ANKRD36C: variants seen among roughly 807,000 people sequenced by gnomAD.
ANKRD36C encodes ankyrin repeat domain-containing protein 36C.
A neutral mutation model predicts 276.4 loss-of-function variants in ANKRD36C; 61 were observed. The observed-to-expected ratio is 0.22, with a 90% confidence interval of 0.18 to 0.27. The LOEUF (loss-of-function observed/expected upper bound fraction) is 0.27. Ranked by LOEUF, ANKRD36C falls within the 10% of genes least tolerant of loss-of-function variation. The pLI, the probability that ANKRD36C is intolerant of heterozygous loss-of-function variation, is 1.00. For synonymous variants in ANKRD36C, 483 were observed against 680.1 expected (o/e 0.71, Z 4.51); for missense variants, 1,447 against 2,032.3 (o/e 0.71, Z 5.54).
chr2:95,925,418 A>C (rs1677376525), exon 30 of ANKRD36C: 2 of 1,555,190 alleles, frequency 1.3e-6, no homozygotes, highest in Middle Eastern at 2.3e-4. Flanking sequence ...TTCTTTTTAA[A>C]TATAACCTGA....
chr2:95,956,151 A>G (rs1678321971), intron 13 of ANKRD36C, among the ~76,000 whole-genome samples: 2 of 152,188 alleles, frequency 1.3e-5, no homozygotes, highest in Admixed American at 1.3e-4. Context: ...TATGCTAAAT[A>G]TAGTTATCAT....
At chr2:95,936,484 C>T (rs1677720599) in intron 22 of ANKRD36C, among the ~76,000 whole-genome samples, 1 of 152,382 alleles carries the variant, frequency 6.6e-6, no homozygotes, top group Non-Finnish European at 1.5e-5. Context: ...GCTGTGTGAC[C>T]CCTACAGAGA....
chr2:95,968,278 T>G, intron 6 of ANKRD36C, among the ~76,000 whole-genome samples: 1 of 152,226 alleles, frequency 6.6e-6, no homozygotes, highest in Non-Finnish European at 1.5e-5. Flanking sequence ...AATTAAGAAC[T>G]CTTATTTCCT....
At chr2:95,991,397 C>T in intron 1 of ANKRD36C, 115 bp downstream of exon 1, 1 of 1,158,862 alleles carries the variant, frequency 8.6e-7, no homozygotes, top group Non-Finnish European at 1.2e-6. Context: ...ACCCCCTAGC[C>T]CCCGTCCATA....
At position 95,917,846 on chromosome 2, in the gene ANKRD36C, C is replaced by A. The variant is rs1677147806; in HGVS notation, c.2347+9G>T. ...TGAACGTGACATTAAATGTCTTTTGCAAAATTACCTGTCCCAGATTTTTCT... is the reference window on the plus strand; with the variant it reads ...TGAACGTGACATTAAATGTCTTTTGAAAAATTACCTGTCCCAGATTTTTCT... On this transcript the variant is annotated intron_variant, in intron 36 of 66. Coordinates refer to ENST00000456556, the Ensembl canonical transcript of ANKRD36C. 1.3e-6 allele frequency: 2 copies of A among 1,591,980 alleles called. No homozygotes were observed. The highest frequency in any genetic ancestry group is 1.1e-5 in the South Asian group (1 of 89,002).
chr2:95,933,952 G>T (rs920540814), intron 24 of ANKRD36C, among the ~76,000 whole-genome samples: 1 of 152,298 alleles, frequency 6.6e-6, no homozygotes, highest in African/African-American at 2.4e-5. Context: ...AGTGGGTGAA[G>T]GATATGCTCA....
chr2:95,975,395 A>G (rs1232233055), intron 6 of ANKRD36C, among the ~76,000 whole-genome samples: 2 of 152,218 alleles, frequency 1.3e-5, no homozygotes, highest in African/African-American at 2.4e-5. Flanking sequence ...AGGCTACAGT[A>G]ACCAAAACAG....
intron 14 of ANKRD36C, among the ~76,000 whole-genome samples, chr2:95,952,198 T>A (rs1294214492): frequency 1.3e-5 from 2 of 150,898 alleles, no homozygotes; most frequent in Non-Finnish European, 1.5e-5. Context: ...GACCAGTCAA[T>A]CAAATATGCG....
intron 14 of ANKRD36C, among the ~76,000 whole-genome samples, chr2:95,952,663 C>T (rs1326383239): frequency 6.0e-5 from 9 of 150,848 alleles, no homozygotes; most frequent in African/African-American, 2.2e-4. Flanking sequence ...GACATATTTT[C>T]TCAACATAAC....
chr2:95,912,561 A>T, intron 40 of ANKRD36C, 126 bp from the exon 43 acceptor site: 2 of 1,544,866 alleles, frequency 1.3e-6, no homozygotes, highest in African/African-American at 2.7e-5. Flanking sequence ...GATGGCTTCT[A>T]TTTTGTGTCT....
At chr2:95,930,085 G>C (rs1385945824) in intron 24 of ANKRD36C, among the ~76,000 whole-genome samples, 1 of 151,586 alleles carries the variant, frequency 6.6e-6, no homozygotes, top group Non-Finnish European at 1.5e-5. Context: ...TGGGATTCAA[G>C]TAATGAATTC....
chr2:95,990,340 CAT>C (rs959945655), intron 1 of ANKRD36C, among the ~76,000 whole-genome samples: 13 of 152,296 alleles, frequency 8.5e-5, no homozygotes, highest in African/African-American at 3.1e-4. Context: ...CAGTTTTCGC[CAT>C]TACTTGTAAT....
At chr2:95,888,918 C>A (rs1345545923) in intron 48 of ANKRD36C, among the ~76,000 whole-genome samples, 1 of 151,520 alleles carries the variant, frequency 6.6e-6, no homozygotes, top group Non-Finnish European at 1.5e-5. Context: ...TGGAAAGGAC[C>A]ACTTTAGGAG....
chr2:95,912,313 T>C (rs758486554), exon 42 of ANKRD36C: 4 of 1,583,962 alleles, frequency 2.5e-6, no homozygotes, highest in Non-Finnish European at 2.6e-6. Flanking sequence ...TCATCACTTG[T>C]AGCCTGAATG....
intron 28 of ANKRD36C, among the ~76,000 whole-genome samples, chr2:95,926,598 T>C (rs2104432644): frequency 6.6e-6 from 1 of 151,708 alleles, no homozygotes; most frequent in East Asian, 1.9e-4. Context: ...CTGTGGTTGA[T>C]CCCAGTTCTA....
chr2:95,890,581 T>C (rs1676319911), intron 46 of ANKRD36C, among the ~76,000 whole-genome samples: 1 of 151,574 alleles, frequency 6.6e-6, no homozygotes. Flanking sequence ...CCATGTGGTG[T>C]AATAATTTGC....
At position 95,936,452 on chromosome 2, in the gene ANKRD36C, A is replaced by G. The variant is rs1346415338; in HGVS notation, c.1634-808T>C. Among the ~76,000 whole-genome samples, 3 of 152,384 alleles carry G rather than the reference A, an allele frequency of 2.0e-5. No homozygotes were observed. The East Asian group carries it at 5.8e-4, about 29-fold the overall frequency. ...ATGCAGTGCATCACATTTTGCTAACATGAAGCACCTGTCCTATTGTTGCTG... is the reference window on the plus strand; with the variant it reads ...ATGCAGTGCATCACATTTTGCTAACGTGAAGCACCTGTCCTATTGTTGCTG... On this transcript the variant is annotated intron_variant, in intron 22 of 66. Coordinates refer to ENST00000456556, the Ensembl canonical transcript of ANKRD36C.
intron 30 of ANKRD36C, among the ~76,000 whole-genome samples, chr2:95,924,507 A>T (rs1026475783): frequency 1.3e-5 from 2 of 151,692 alleles, no homozygotes; most frequent in Non-Finnish European, 3.0e-5. Flanking sequence ...AATACATTTA[A>T]CATTATTTTT....
At chr2:95,850,573 CAA>C (rs1206659245), downstream of ANKRD36C, among the ~76,000 whole-genome samples, 6 of 152,164 alleles carry the variant, frequency 3.9e-5, no homozygotes, top group Admixed American at 3.3e-4. Context: ...GATGCTAGAA[CAA>C]AGGTGCAGAG....
Sources: allele counts gnomAD v4.1 joint callset (sites outside exome capture counted in the v4.1 genomes callset), GRCh38; gene constraint gnomAD v4.1.1; transcripts MANE v1.5; gene names NCBI Gene and HGNC (gene_info 2026-07-23, HGNC 2026-07-21).